RORC: variants seen among roughly 807,000 people sequenced by gnomAD.
RORC encodes the protein nuclear receptor ROR-gamma.
In RORC, 13 loss-of-function variants were observed where a neutral mutation model predicts 64.5. That is an observed-to-expected ratio of 0.20 (90% CI 0.13 to 0.32). RORC has a LOEUF of 0.32. Ranked by LOEUF, RORC falls within the 10% of genes least tolerant of loss-of-function variation. The pLI, the probability that RORC is intolerant of heterozygous loss-of-function variation, is 1.00. For synonymous variants in RORC, 277 were observed against 259.3 expected (o/e 1.07, Z -0.65); for missense variants, 468 against 669.5 (o/e 0.70, Z 3.32).
chr1:151,816,707 G>T lies in RORC; in HGVS notation c.255C>A (p.His85Gln). Residue 85 changes from histidine (H) to glutamine (Q), a missense_variant, in exon 4 of 11, where the codon CAC becomes CAA. By Grantham distance (24) the His-to-Gln change is conservative. This residue lies in a region of RORC where 241 missense variants were observed against 295.5 expected (regional missense o/e 0.82). Coordinates refer to ENST00000318247, the MANE Select transcript of RORC (RefSeq NM_005060.4). ...IDRTSRNRCQ[H>Q]CRLQKCLALG... ...GCGCCAGGCATTTCTGCAGGCGGCA[G>T]TGCTGGCATCGGTTTCGGCTGGTGC... The T allele has an allele frequency of 6.2e-7, 1 of 1,606,502 alleles. No homozygotes were observed.
At chr1:151,810,801 G>A (rs897201685) in intron 10 of RORC, among the ~76,000 whole-genome samples, 5 of 152,208 alleles carry the variant, frequency 3.3e-5, no homozygotes, top group Admixed American at 2.6e-4. Flanking sequence ...CCAAAGTGTT[G>A]GGATTACAGG....
Position 151,811,453 on chromosome 1 carries a change from C to T in RORC, c.1286-19G>A, listed in dbSNP as rs199757303. Reference sequence around the variant, plus strand: ...GGCCGATCTGGAGGAGGGGGTGGGACCGTAATGAGAACAAGAAAGAACATG... The same window carrying T: ...GGCCGATCTGGAGGAGGGGGTGGGATCGTAATGAGAACAAGAAAGAACATG... On this transcript the variant is annotated intron_variant, in intron 9 of 10. Coordinates refer to ENST00000318247, the MANE Select transcript of RORC (RefSeq NM_005060.4). The T allele has an allele frequency of 1.0e-5, 15 of 1,495,094 alleles. No individual in the cohort carries two copies. The highest frequency in any genetic ancestry group is 1.3e-5 in the Non-Finnish European group (14 of 1,074,374). 92.6% of individuals were successfully genotyped at this position (1,495,094 alleles called of 1,614,324 possible). A position where few individuals can be genotyped will look rare whatever the true frequency, so the allele number is the denominator to read the frequency against.
In RORC at chr1:151,825,905, C is replaced by A. The variant is rs116171003; in HGVS notation, c.70+3524G>T. On this transcript the variant is annotated intron_variant, in intron 2 of 10. Coordinates refer to ENST00000318247, the MANE Select transcript of RORC (RefSeq NM_005060.4). ...TGACGACAGGGTCCAGGCTCCCCCG[C>A]CCCCAGGTGGCCCCATTCACTTACT... The A allele has an allele frequency of 4.1e-3, 6,559 of 1,613,332 alleles. 15 individuals are homozygous for A. Among genetic ancestry groups the A allele is most frequent in the Middle Eastern group, 4.6e-3 (28 of 6,054 alleles).
Position 151,813,152 on chromosome 1 carries a change from C to A in RORC, c.1174+87G>T, listed in dbSNP as rs79662743. On this transcript the variant is annotated intron_variant, in intron 8 of 10. Coordinates refer to ENST00000318247, the MANE Select transcript of RORC (RefSeq NM_005060.4). The stretch of plus-strand genomic sequence containing the variant: ...TGTGTTTAGAGCAGAGGGGGCAATT[C>A]GCCCTGAAAAGAGGGTGCCCTGGGT... 3 of 1,462,358 alleles carry A rather than the reference C, an allele frequency of 2.1e-6. No homozygotes were observed. In the African/African-American group the frequency reaches 4.2e-5, roughly 20 times the overall value. 90.6% of individuals were successfully genotyped at this position (1,462,358 alleles called of 1,614,324 possible).
intron 6 of RORC, 55 bp from the exon 7 acceptor site, chr1:151,813,675 C>T (rs1651632621): frequency 6.3e-7 from 1 of 1,593,098 alleles, no homozygotes; most frequent in Middle Eastern, 1.7e-4. Context: ...CTGTGATCCT[C>T]CTGAGCCCTG....
chr1:151,828,999 T>A (rs1273479859), intron 2 of RORC, among the ~76,000 whole-genome samples: 1 of 146,490 alleles, frequency 6.8e-6, no homozygotes, highest in African/African-American at 2.5e-5. Flanking sequence ...AAAAAAAGCC[T>A]GGTGCAGGCT....
chr1:151,825,402 C>T (rs1227829979), intron 2 of RORC, among the ~76,000 whole-genome samples: 2 of 152,130 alleles, frequency 1.3e-5, no homozygotes, highest in African/African-American at 2.4e-5. Context: ...GGCCTGGACG[C>T]GGGGATTCTG....
At chr1:151,822,344 C>A (rs952755352) in intron 2 of RORC, among the ~76,000 whole-genome samples, 1 of 152,184 alleles carries the variant, frequency 6.6e-6, no homozygotes, top group Non-Finnish European at 1.5e-5. Context: ...TTCTACCTGG[C>A]GAACACTACC....
chr1:151,823,352 T>A (rs1304684719), intron 2 of RORC, among the ~76,000 whole-genome samples: 1 of 152,228 alleles, frequency 6.6e-6, no homozygotes, highest in Non-Finnish European at 1.5e-5. Flanking sequence ...GGCGCCACGC[T>A]GGCCATGCCC....
Position 151,807,719 on chromosome 1 carries a change from A to G in RORC, c.1396-86T>C. The G allele has an allele frequency of 6.9e-7, 1 of 1,446,648 alleles. No homozygotes were observed. Among genetic ancestry groups the G allele is most frequent in the Non-Finnish European group, 9.5e-7 (1 of 1,057,316 alleles). 89.6% of individuals were successfully genotyped at this position (1,446,648 alleles called of 1,614,324 possible). A position where few individuals can be genotyped will look rare whatever the true frequency, so the allele number is the denominator to read the frequency against. Reference sequence around the variant, plus strand: ...GTCCGCTCATTCTTCCTGGGCTAGGACAAACCCTCCTTGCCTTCCCCTTAT... The same window carrying G: ...GTCCGCTCATTCTTCCTGGGCTAGGGCAAACCCTCCTTGCCTTCCCCTTAT... On this transcript the variant is annotated intron_variant, in intron 10 of 10. Transcript: ENST00000318247. The surrounding 1 kb of genome is among the most constrained non-coding windows in gnomAD (Gnocchi z 5.0).
intron 2 of RORC, among the ~76,000 whole-genome samples, chr1:151,818,778 G>A (rs531129699): frequency 1.4e-4 from 21 of 152,318 alleles, no homozygotes; most frequent in Non-Finnish European, 2.4e-4. Context: ...TCTGGAGGGC[G>A]AATGCACATT....
chr1:151,815,172 G>C lies in RORC; in HGVS notation c.552C>G (p.Pro184=). 1 of 1,613,970 alleles carries C rather than the reference G, an allele frequency of 6.2e-7. No individual in the cohort carries two copies. The highest frequency in any genetic ancestry group is 8.5e-7 in the Non-Finnish European group (1 of 1,179,936). The change falls in exon 5 of 11, where the codon CCC becomes CCG. Residue 184 remains proline, a synonymous_variant. Transcript: ENST00000318247. ...CCTTGGCCAAGTTGTTGGAATATGA[G>C]GGCCCAGAGCCTGAGGCTTTCAGGA... ...PGLLKASGSG[P]SYSNNLAKAG... is the part of the protein sequence containing the mutation.
intron 2 of RORC, among the ~76,000 whole-genome samples, chr1:151,828,490 C>T (rs547359397): frequency 2.6e-5 from 4 of 152,320 alleles, no homozygotes; most frequent in Non-Finnish European, 5.9e-5. Flanking sequence ...GAAGTCCTCT[C>T]TGAGCTCTAG....
intron 2 of RORC, among the ~76,000 whole-genome samples, chr1:151,825,522 A>G (rs1221181808): frequency 6.6e-6 from 1 of 150,546 alleles, no homozygotes; most frequent in Non-Finnish European, 1.5e-5. Flanking sequence ...CACAGAGGGA[A>G]ACACCGTAAC....
At chr1:151,829,361 T>C in intron 2 of RORC, 68 bp downstream of exon 2, 2 of 1,432,264 alleles carry the variant, frequency 1.4e-6, no homozygotes, top group African/African-American at 1.5e-5. Context: ...CCCCCACAGA[T>C]CACTTGCTGA....
intron 2 of RORC, 66 bp downstream of exon 2, chr1:151,829,363 A>T: frequency 6.9e-7 from 1 of 1,439,452 alleles, no homozygotes; most frequent in Middle Eastern, 1.8e-4. Context: ...CCCACAGATC[A>T]CTTGCTGAAT....
chr1:151,821,977 A>C (rs1181583138), intron 2 of RORC, among the ~76,000 whole-genome samples: 1 of 152,076 alleles, frequency 6.6e-6, no homozygotes, highest in Non-Finnish European at 1.5e-5. Context: ...ATATATCAAC[A>C]ACAGGGTTCC....
chr1:151,826,223 G>A (rs912935998), intron 2 of RORC: 3 of 517,210 alleles, frequency 5.8e-6, no homozygotes, highest in Non-Finnish European at 5.9e-6. Flanking sequence ...AGGGTGTGAG[G>A]GGAGGGGCAG....
At chr1:151,809,683 GTC>G (rs1651445607) in intron 10 of RORC, among the ~76,000 whole-genome samples, 1 of 152,158 alleles carries the variant, frequency 6.6e-6, no homozygotes, top group African/African-American at 2.4e-5. Context: ...CCAGATTCCT[GTC>G]TCTCCTCCTT....
Sources: allele counts gnomAD v4.1 joint callset (sites outside exome capture counted in the v4.1 genomes callset), GRCh38; gene constraint gnomAD v4.1.1; regional missense constraint gnomAD v4.1.1; non-coding constraint Gnocchi (gnomAD v3.1); transcripts MANE v1.5; gene names NCBI Gene and HGNC (gene_info 2026-07-23, HGNC 2026-07-21).